PRDM14: variants seen among roughly 807,000 people sequenced by gnomAD.
PRDM14 encodes the protein PR domain zinc finger protein 14.
PRDM14 carries 16 observed loss-of-function variants against 48.0 expected under a neutral mutation model. The ratio of observed to expected loss-of-function variants is 0.33; its 90% CI spans 0.23 to 0.51. The LOEUF is 0.51. PRDM14 is among the 20% of genes least tolerant of loss of function. The pLI, the probability that PRDM14 is intolerant of heterozygous loss-of-function variation, is 0.97. For missense variants in PRDM14, 566 were observed against 719.6 expected (o/e 0.79, Z 2.44); for synonymous variants, 264 against 276.6 (o/e 0.95, Z 0.45).
chr8:70,069,262 T>C lies in PRDM14; in HGVS notation c.599A>G (p.Glu200Gly), dbSNP rs1805722955. 1 of 1,609,468 alleles carries C rather than the reference T, an allele frequency of 6.2e-7. No individual in the cohort carries two copies. Among genetic ancestry groups the C allele is most frequent in the African/African-American group, 1.3e-5 (1 of 74,886 alleles). The change falls in exon 2 of 8, where the codon GAG becomes GGG. Residue 200 changes from glutamate (E) to glycine (G), a missense_variant. Around this residue, in one of 3 missense-constraint regions of PRDM14, gnomAD observed 410 missense variants for 424.6 expected, o/e 0.97. Transcript: ENST00000276594. ...CCCGTACAGAACGAAGTGCAGGTCC[T>C]CCTCCGTGAACTGGAACCGAGCAGG... ...KSPARFQFTE[E>G]DLHFVLYGVT... is the part of the protein sequence containing the mutation.
intron 7 of PRDM14, 100 bp from the exon 8 acceptor site, chr8:70,052,404 T>C (rs1805402682): frequency 1.1e-6 from 1 of 939,602 alleles, no homozygotes; most frequent in South Asian, 1.6e-5. Flanking sequence ...CTCATCCTTA[T>C]GGACGAACCT....
At chr8:70,055,075 G>T (rs1241486579) in intron 7 of PRDM14, among the ~76,000 whole-genome samples, 1 of 152,186 alleles carries the variant, frequency 6.6e-6, no homozygotes, top group African/African-American at 2.4e-5. Flanking sequence ...AATTTGGAAT[G>T]TATTTTATTA....
chr8:70,056,816 C>CAAGA (rs1805480423), intron 6 of PRDM14, among the ~76,000 whole-genome samples: 1 of 75,394 alleles, frequency 1.3e-5, no homozygotes, highest in South Asian at 5.6e-4. Flanking sequence ...GAGACTGTCT[C>CAAGA]AAAAAAAAAA....
chr8:70,057,159 G>A (rs866865399), intron 6 of PRDM14, among the ~76,000 whole-genome samples: 3 of 151,732 alleles, frequency 2.0e-5, no homozygotes, highest in Admixed American at 6.6e-5. Flanking sequence ...TAGAGATGGG[G>A]TTTCACCATG....
chr8:70,061,100 GGGA>G (rs1805574980), intron 5 of PRDM14, among the ~76,000 whole-genome samples: 2 of 152,298 alleles, frequency 1.3e-5, no homozygotes, highest in South Asian at 4.1e-4. Flanking sequence ...CAATGGAGGA[GGGA>G]GGAGGAGAGA....
At position 70,069,681 on chromosome 8, in the gene PRDM14, C is replaced by T. The variant is rs200268246; in HGVS notation, c.180G>A (p.Ala60=). ...AGGGGGGCATGGCGGGGGCAGCAGACGCTGCGGCCTCCAGCTGCCGGAAAG... is the reference window on the plus strand; with the variant it reads ...AGGGGGGCATGGCGGGGGCAGCAGATGCTGCGGCCTCCAGCTGCCGGAAAG... ...FQPFRQLEAA[A]SAAPAMPPFP... The change falls in exon 2 of 8, where the codon GCG becomes GCA. Residue 60 remains alanine, a synonymous_variant. Coordinates refer to ENST00000276594, the MANE Select transcript of PRDM14 (RefSeq NM_024504.4). The T allele has an allele frequency of 6.4e-7, 1 of 1,551,354 alleles. No individual in the cohort carries two copies. Among genetic ancestry groups the T allele is most frequent in the Non-Finnish European group, 8.7e-7 (1 of 1,148,836 alleles).
rs556909149 is a variant in PRDM14 at position 70,055,608 on chromosome 8, C to A, written c.1387-207G>T. The stretch of plus-strand genomic sequence containing the variant: ...GCAGCCTGGAACTCCCAGGCTCAAG[C>A]GATCCTCCCACCTCAGCCTCCTGAG... On this transcript the variant is annotated intron_variant, in intron 6 of 7. Coordinates refer to ENST00000276594, the MANE Select transcript of PRDM14 (RefSeq NM_024504.4). Among the ~76,000 whole-genome samples, 7 of 151,814 alleles carry A rather than the reference C, an allele frequency of 4.6e-5. No individual in the cohort carries two copies. In the South Asian group the frequency reaches 1.5e-3, roughly 32 times the overall value.
chr8:70,069,169 T>G lies in PRDM14; in HGVS notation c.692A>C (p.Asp231Ala). ...GTGTGAACTCCCTTTACCAGAGCTG[T>G]CTGGGGGGACCAGGAGGCCTGAAAT... ...HAISGLLVPPDSSGSDSLPQT... is the reference protein window; with the variant it reads ...HAISGLLVPPASSGSDSLPQT... The change falls in exon 2 of 8, where the codon GAC (aspartate) becomes GCC (alanine). Residue 231 changes from aspartate to alanine, a missense_variant. By Grantham distance (126) the Asp-to-Ala change is moderately radical. This residue lies in a region of PRDM14 where 410 missense variants were observed against 424.6 expected (regional missense o/e 0.97). Coordinates refer to ENST00000276594, the MANE Select transcript of PRDM14 (RefSeq NM_024504.4). 1 of 1,512,456 alleles carries G rather than the reference T, an allele frequency of 6.6e-7. No individual in the cohort carries two copies. Among genetic ancestry groups the G allele is most frequent in the Non-Finnish European group, 8.8e-7 (1 of 1,130,932 alleles). The allele number at this position is 1,512,456 out of a possible 1,614,324, so 93.7% of individuals were successfully genotyped here. A position where few individuals can be genotyped will look rare whatever the true frequency, so the allele number is the denominator to read the frequency against.
chr8:70,056,019 A>C (rs569072975), intron 6 of PRDM14, among the ~76,000 whole-genome samples: 1 of 152,334 alleles, frequency 6.6e-6, no homozygotes, highest in Non-Finnish European at 1.5e-5. Flanking sequence ...CTGTGCAATT[A>C]ACTCAACAAT....
At chr8:70,065,660 T>C (rs892946909) in intron 5 of PRDM14, among the ~76,000 whole-genome samples, 1 of 152,168 alleles carries the variant, frequency 6.6e-6, no homozygotes, top group African/African-American at 2.4e-5. Context: ...TAGTAGGCAA[T>C]GTATTTTATG....
At chr8:70,054,980 G>C (rs964781157) in intron 7 of PRDM14, among the ~76,000 whole-genome samples, 1 of 151,974 alleles carries the variant, frequency 6.6e-6, no homozygotes, top group East Asian at 1.9e-4. Flanking sequence ...AGCCACCGAT[G>C]CATGGAAAAT....
At position 70,069,473 on chromosome 8, in the gene PRDM14, C is replaced by T; in HGVS notation, c.388G>A (p.Gly130Ser). 1 of 1,580,750 alleles carries T rather than the reference C, an allele frequency of 6.3e-7. No homozygotes were observed. Among genetic ancestry groups the T allele is most frequent in the Non-Finnish European group, 8.6e-7 (1 of 1,161,450 alleles). ...TTGTCGCCACCAATGATTTGGTGGC[C>T]CAGATCTTCACTGCTGGCACCCGCG... ...EYAGASSEDL[G>S]HQIIGGDNES... The change falls in exon 2 of 8, where the codon GGC becomes AGC. Residue 130 changes from glycine (G) to serine (S), a missense_variant. Around this residue, in one of 3 missense-constraint regions of PRDM14, gnomAD observed 410 missense variants for 424.6 expected, o/e 0.97. Coordinates refer to ENST00000276594, the MANE Select transcript of PRDM14 (RefSeq NM_024504.4).
intron 5 of PRDM14, 100 bp downstream of exon 5, chr8:70,066,135 G>T: frequency 7.6e-7 from 1 of 1,318,196 alleles, no homozygotes; most frequent in Non-Finnish European, 1.1e-6. Flanking sequence ...CTCTGCATTA[G>T]CCTTTAGGAG....
intron 5 of PRDM14, among the ~76,000 whole-genome samples, chr8:70,062,297 G>A (rs1418606468): frequency 6.6e-6 from 1 of 151,920 alleles, no homozygotes; most frequent in Non-Finnish European, 1.5e-5. Flanking sequence ...CTCTGATATC[G>A]GCATACTATT....
chr8:70,059,005 A>C (rs969558470), intron 5 of PRDM14, among the ~76,000 whole-genome samples, 163 bp from the exon 6 acceptor site: 7 of 152,326 alleles, frequency 4.6e-5, no homozygotes, highest in African/African-American at 1.7e-4. Context: ...CCCAGTCTGT[A>C]GTGCAGTGGC....
At chr8:70,068,161 A>T in intron 4 of PRDM14, 69 bp downstream of exon 4, 2 of 1,576,492 alleles carry the variant, frequency 1.3e-6, no homozygotes, top group African/African-American at 2.7e-5. Flanking sequence ...AAAAGGGCAA[A>T]GGCCAAGATT....
At chr8:70,070,318 A>G (rs1304588415) in intron 1 of PRDM14, among the ~76,000 whole-genome samples, 1 of 151,826 alleles carries the variant, frequency 6.6e-6, no homozygotes, top group Non-Finnish European at 1.5e-5. Context: ...GGCCCTGCCA[A>G]CCTCGGGGCT....
At chr8:70,066,127 C>T in intron 5 of PRDM14, 108 bp downstream of exon 5, 1 of 1,242,774 alleles carries the variant, frequency 8.0e-7, no homozygotes, top group Non-Finnish European at 1.1e-6. Context: ...GGTTAGTCCT[C>T]TGCATTAGCC....
At chr8:70,069,095 G>C in intron 2 of PRDM14, 66 bp downstream of exon 2, 3 of 1,297,006 alleles carry the variant, frequency 2.3e-6, no homozygotes, top group Admixed American at 2.6e-5. Flanking sequence ...GCCTCTTCCC[G>C]GACACTCCCG....
Sources: gnomAD v4.1 joint callset for allele counts (sites outside exome capture counted in the v4.1 genomes callset) on GRCh38, gnomAD v4.1.1 for gene constraint, gnomAD v4.1.1 regional missense constraint, MANE v1.5 for transcripts, NCBI Gene and HGNC (gene_info 2026-07-23, HGNC 2026-07-21) for gene names.